The following HTR2C variants were observed in gnomAD, a reference collection of about 807,000 sequenced individuals.
HTR2C encodes the protein 5-hydroxytryptamine receptor 2C.
In HTR2C, 5 loss-of-function variants were observed where a neutral mutation model predicts 21.0. That is an observed-to-expected ratio of 0.24 (90% CI 0.12 to 0.50). The LOEUF is 0.50. Ranked by LOEUF, HTR2C falls within the 20% of genes least tolerant of loss-of-function variation. HTR2C has a pLI of 0.98. For missense variants in HTR2C, 271 were observed against 371.2 expected, an observed-to-expected ratio of 0.73 and a Z score of 2.22; for synonymous variants, 150 against 145.3, an observed-to-expected ratio of 1.03 and a Z score of -0.23.
Position 114,870,324 on chromosome X carries a change from T to C in HTR2C, c.550+22121T>C, listed in dbSNP as rs782784806. ...CTTGAACTCCTGACCTTAAGGGATC[T>C]GCCCACCTCGGCCTCCAAAAGGACT... On this transcript the variant is annotated intron_variant, in intron 5 of 5. Coordinates refer to ENST00000276198, the MANE Select transcript of HTR2C (RefSeq NM_000868.4). Among the ~76,000 whole-genome samples the C allele has an allele frequency of 7.4e-4, 82 of 110,674 alleles. 1 individual carries two copies. The highest frequency in any genetic ancestry group is 3.3e-3 in the Admixed American group (34 of 10,311).
rs1927308378 is a variant in HTR2C, at chrX:114,584,562, A to G, written c.-244A>G. On this transcript the variant is annotated 5_prime_UTR_variant, in exon 1 of 6. Coordinates refer to ENST00000276198, the MANE Select transcript of HTR2C (RefSeq NM_000868.4). Reference sequence around the variant, plus strand: ...CAGCGCAGCGCAGCTCAGCGCACCGACTGCCGCGGGCTCCGCTGGGCGATT... The same window carrying G: ...CAGCGCAGCGCAGCTCAGCGCACCGGCTGCCGCGGGCTCCGCTGGGCGATT... 8.9e-6 allele frequency: 1 copy of G among 112,950 alleles called. No homozygotes were observed. 9.3% of individuals were successfully genotyped at this position (112,950 alleles called of 1,213,427 possible). A position where few individuals can be genotyped will look rare whatever the true frequency, so the allele number is the denominator to read the frequency against.
chrX:114,873,194 A>G (rs1247790741), intron 5 of HTR2C, among the ~76,000 whole-genome samples: 1 of 111,847 alleles, frequency 8.9e-6, no homozygotes, highest in Non-Finnish European at 1.9e-5. Flanking sequence ...ACCCATATTT[A>G]TAGCTTTTCT....
intron 2 of HTR2C, among the ~76,000 whole-genome samples, chrX:114,683,212 T>C (rs782342831): frequency 3.6e-5 from 4 of 111,775 alleles, no homozygotes; most frequent in African/African-American, 1.3e-4. Flanking sequence ...TTTGAGGTTC[T>C]TTACAACACT....
At chrX:114,724,727 T>C (rs1336596670) in intron 2 of HTR2C, among the ~76,000 whole-genome samples, 1 of 108,005 alleles carries the variant, frequency 9.3e-6, no homozygotes, top group African/African-American at 3.3e-5. Context: ...ACAAAGTCTC[T>C]CAGCATTTGC....
chrX:114,686,918 G>A (rs1185888432), intron 2 of HTR2C, among the ~76,000 whole-genome samples: 7 of 111,003 alleles, frequency 6.3e-5, no homozygotes, highest in African/African-American at 2.3e-4. Context: ...AAAGAAGAGT[G>A]AGAAAAATTT....
chrX:114,878,113 T>C (rs1556478830), intron 5 of HTR2C, among the ~76,000 whole-genome samples: 1 of 110,840 alleles, frequency 9.0e-6, no homozygotes, highest in Non-Finnish European at 1.9e-5. Context: ...GTTTTGGTAA[T>C]ACTTGCTTTA....
intron 5 of HTR2C, among the ~76,000 whole-genome samples, chrX:114,855,970 T>C (rs2070957707): frequency 1.8e-5 from 2 of 108,547 alleles, no homozygotes; most frequent in Admixed American, 1.0e-4. Flanking sequence ...GTGACTGTTC[T>C]ATACATATTA....
At chrX:114,637,852 C>T (rs1467536419) in intron 2 of HTR2C, among the ~76,000 whole-genome samples, 1 of 110,892 alleles carries the variant, frequency 9.0e-6, no homozygotes, top group African/African-American at 3.3e-5. Context: ...GGGAAGGCTT[C>T]GTTTTTTGCA....
At chrX:114,618,835 C>A (rs1253119436) in intron 2 of HTR2C, among the ~76,000 whole-genome samples, 1 of 111,391 alleles carries the variant, frequency 9.0e-6, no homozygotes, top group Non-Finnish European at 1.9e-5. Context: ...AAATTTCTAA[C>A]AATTCCTTTC....
chrX:114,679,248 C>T, intron 2 of HTR2C, among the ~76,000 whole-genome samples: 1 of 110,669 alleles, frequency 9.0e-6, no homozygotes, highest in Admixed American at 9.7e-5. Flanking sequence ...CTTAAAGAAC[C>T]TTAATATCAC....
intron 4 of HTR2C, among the ~76,000 whole-genome samples, chrX:114,745,859 A>G (rs2069698335): frequency 8.9e-6 from 1 of 111,761 alleles, no homozygotes; most frequent in African/African-American, 3.3e-5. Flanking sequence ...GAGAACAAAA[A>G]ATGGCTAGAA....
Position 114,906,636 on chromosome X carries a change from G to T in HTR2C, c.598G>T (p.Val200Leu), listed in dbSNP as rs782809944. 4.1e-6 allele frequency: 5 copies of T among 1,208,213 alleles called. No homozygotes were observed. The highest frequency in any genetic ancestry group is 5.6e-6 in the Non-Finnish European group (5 of 894,271). ...PVIGLRDEEK[V>L]FVNNTTCVLN... is the part of the protein sequence containing the mutation. The stretch of plus-strand genomic sequence containing the variant: ...GATTGGACTGAGGGACGAAGAAAAG[G>T]TGTTCGTGAACAACACGACGTGCGT... Residue 200 changes from valine (V) to leucine (L), a missense_variant, in exon 6 of 6, where the codon GTG becomes TTG. Physicochemically the swap from Val to Leu is conservative, Grantham distance 32. Coordinates refer to ENST00000276198, the MANE Select transcript of HTR2C (RefSeq NM_000868.4).
At chrX:114,728,194 G>C (rs781811266) in intron 3 of HTR2C, among the ~76,000 whole-genome samples, 49 of 111,669 alleles carry the variant, frequency 4.4e-4, no homozygotes, top group Non-Finnish European at 8.1e-4. Context: ...TTATCATTTT[G>C]TTTATATACT....
At chrX:114,848,282 A>G (rs1490832406) in intron 5 of HTR2C, 79 bp downstream of exon 5, 2 of 618,287 alleles carry the variant, frequency 3.2e-6, no homozygotes, top group Non-Finnish European at 4.9e-6. Flanking sequence ...AACAACGTAC[A>G]GACGTCGACT....
rs182173983 is a variant in HTR2C, at chrX:114,863,203, G to C, written c.550+15000G>C. On this transcript the variant is annotated intron_variant, in intron 5 of 5. Coordinates refer to ENST00000276198, the MANE Select transcript of HTR2C (RefSeq NM_000868.4). ...TATTAATTTTCTTACTTTGAGATAC[G>C]TACCCAGCAATGGGAATGCTGGATT... Among the ~76,000 whole-genome samples the C allele has an allele frequency of 1.9e-4, 21 of 111,299 alleles. No homozygotes were observed. The Admixed American group carries it at 1.9e-3, about 10-fold the overall frequency.
intron 4 of HTR2C, among the ~76,000 whole-genome samples, chrX:114,786,795 C>A (rs1556442223): frequency 9.0e-6 from 1 of 111,409 alleles, no homozygotes; most frequent in Non-Finnish European, 1.9e-5. Context: ...AGTGTAACAG[C>A]CTACTTCTCC....
chrX:114,667,341 G>A (rs1294863730), intron 2 of HTR2C, among the ~76,000 whole-genome samples: 1 of 110,406 alleles, frequency 9.1e-6, no homozygotes, highest in South Asian at 3.8e-4. Context: ...ATAAATTTTC[G>A]AAAAGAGGGT....
intron 5 of HTR2C, among the ~76,000 whole-genome samples, chrX:114,882,475 T>G (rs1019942599): frequency 6.3e-5 from 7 of 111,023 alleles, no homozygotes; most frequent in Admixed American, 1.9e-4. Flanking sequence ...TGCTGTGGGT[T>G]TTTCATAAAC....
chrX:114,861,403 C>T (rs782592242), intron 5 of HTR2C, among the ~76,000 whole-genome samples: 22 of 111,230 alleles, frequency 2.0e-4, no homozygotes, highest in African/African-American at 6.8e-4. Flanking sequence ...ATATGTGCCA[C>T]CGCTTATTTA....
Sources: allele counts gnomAD v4.1 joint callset (sites outside exome capture counted in the v4.1 genomes callset), GRCh38; gene constraint gnomAD v4.1.1; transcripts MANE v1.5; gene names NCBI Gene and HGNC (gene_info 2026-07-23, HGNC 2026-07-21).